Variants in SVEP1 observed in about 807,000 individuals in gnomAD.
SVEP1 encodes sushi, von Willebrand factor type A, EGF and pentraxin domain-containing protein 1.
SVEP1 carries 164 observed loss-of-function variants against 367.3 expected under a neutral mutation model. The observed-to-expected ratio is 0.45, with a 90% CI of 0.39 to 0.51. SVEP1 has a LOEUF of 0.51. SVEP1 is among the 20% of genes least tolerant of loss of function. The pLI is 0.00. For missense variants in SVEP1, 4,117 were observed against 4,425.3 expected (o/e 0.93, Z 1.98); for synonymous variants, 1,666 against 1,611.6 (o/e 1.03, Z -0.81).
At chr9:110,468,824 C>A in intron 17 of SVEP1, 116 bp downstream of exon 17, 1 of 1,003,938 alleles carries the variant, frequency 1.0e-6, no homozygotes, top group Non-Finnish European at 1.4e-6. Context: ...CTATCTTTTG[C>A]CACAGGGGCC....
Position 110,450,127 on chromosome 9 carries a change from G to T in SVEP1, c.4035C>A (p.Asn1345Lys), listed in dbSNP as rs764003194. 2 of 1,613,780 alleles carry T rather than the reference G, an allele frequency of 1.2e-6. No homozygotes were observed. Among genetic ancestry groups the T allele is most frequent in the Non-Finnish European group, 8.5e-7 (1 of 1,179,840 alleles). Residue 1345 changes from asparagine (N) to lysine (K), a missense_variant, in exon 24 of 48, where the codon AAC becomes AAA. Transcript: ENST00000374469. ...PGFLGTRCGKNVDECLSQPCK... is the reference protein window; with the variant it reads ...PGFLGTRCGKKVDECLSQPCK... ...ATGGCTGACTGAGACACTCATCGAC[G>T]TTCTTTCCACATCGGGTACCCAAAA...
At position 110,379,403 on chromosome 9, in the gene SVEP1, A is replaced by G. The variant is rs2118951126; in HGVS notation, c.10352T>C (p.Phe3451Ser). The change falls in exon 44 of 48, where the codon TTC becomes TCC. Residue 3451 changes from phenylalanine to serine, a missense_variant. Physicochemically the swap from Phe to Ser is radical, Grantham distance 155. This residue lies in a region of SVEP1 where 1,765 missense variants were observed against 1,781.1 expected (regional missense o/e 0.99). Transcript: ENST00000374469. ...SCYSGYMLEG[F>S]LRSVCLENGT... ...ATTTTCTAAACAAACACTCCTCAGG[A>G]AACCCTCCAACATGTATCCACTGTA... The G allele has an allele frequency of 6.2e-7, 1 of 1,613,854 alleles. No individual in the cohort carries two copies. The highest frequency in any genetic ancestry group is 2.2e-5 in the East Asian group (1 of 44,858).
intron 5 of SVEP1, 135 bp downstream of exon 5, chr9:110,512,791 A>T (rs1033784909): frequency 1.1e-5 from 12 of 1,054,662 alleles, no homozygotes; most frequent in Non-Finnish European, 1.7e-5. Flanking sequence ...CAAATTTCCT[A>T]TAATTTTTCT....
intron 23 of SVEP1, among the ~76,000 whole-genome samples, chr9:110,450,672 A>T (rs927401794): frequency 1.3e-5 from 2 of 151,436 alleles, no homozygotes; most frequent in African/African-American, 4.9e-5. Flanking sequence ...ACAGGGTTTC[A>T]CCATGTTGGC....
rs148659854 is a variant in SVEP1, at chr9:110,428,601, A to G, written c.5807+542T>C. Among the ~76,000 whole-genome samples, 66 of 152,312 alleles carry G rather than the reference A, an allele frequency of 4.3e-4. No homozygotes were observed. The East Asian group carries it at 9.6e-3, about 22-fold the overall frequency. ...ATAAACTATTTTTGCTTTCATGTTT[A>G]AAGTCTGAATGCTTACAGCAATTGA... On this transcript the variant is annotated intron_variant, in intron 35 of 47. Coordinates refer to ENST00000374469, the MANE Select transcript of SVEP1 (RefSeq NM_153366.4).
intron 18 of SVEP1, among the ~76,000 whole-genome samples, chr9:110,461,636 G>A (rs1588065147): frequency 6.6e-6 from 1 of 151,988 alleles, no homozygotes; most frequent in Non-Finnish European, 1.5e-5. Context: ...AAGACATGTA[G>A]ATCAAAATTT....
chr9:110,500,307 C>T (rs1829513031), intron 6 of SVEP1, among the ~76,000 whole-genome samples: 1 of 152,134 alleles, frequency 6.6e-6, no homozygotes, highest in Non-Finnish European at 1.5e-5. Flanking sequence ...ACGATAATGA[C>T]AATGTGGGAC....
chr9:110,377,003 G>C (rs544392139), intron 45 of SVEP1: 27 of 320,904 alleles, frequency 8.4e-5, no homozygotes, highest in Non-Finnish European at 1.3e-4. Context: ...TTTACAACAA[G>C]CTCCTTCTCA....
chr9:110,472,613 C>CTTTAGAGGTAAAT (rs1440786050), intron 14 of SVEP1, among the ~76,000 whole-genome samples: 1 of 152,168 alleles, frequency 6.6e-6, no homozygotes, highest in African/African-American at 2.4e-5. Flanking sequence ...ATTATTTTAG[C>CTTTAGAGGTAAAT]TTTAGAGGTA....
chr9:110,570,467 CGTGTGTGT>C (rs59503025), intron 1 of SVEP1, among the ~76,000 whole-genome samples: 21 of 146,936 alleles, frequency 1.4e-4, no homozygotes, highest in East Asian at 6.1e-4. Context: ...GTTTCTGTTG[CGTGTGTGT>C]GTGTGTGTGT....
chr9:110,377,494 C>A (rs765070479), intron 44 of SVEP1, 128 bp from the exon 45 acceptor site: 88 of 767,978 alleles, frequency 1.1e-4, no homozygotes, highest in Non-Finnish European at 1.7e-4. Context: ...AGACAAAAAT[C>A]GAATCTCAGG....
In SVEP1 at chr9:110,407,461, A is replaced by C; in HGVS notation, c.8139T>G (p.Ile2713Met). The change falls in exon 38 of 48, where the codon ATT becomes ATG. Residue 2713 changes from isoleucine to methionine, a missense_variant. Coordinates refer to ENST00000374469, the MANE Select transcript of SVEP1 (RefSeq NM_153366.4). ...GTWNGSAPSC[I>M]SIECDLPTAP... ...CAGTAGGCAAGTCACATTCAATTGA[A>C]ATGCAGGATGGTGCACTGCCATTCC... 2 of 1,614,014 alleles carry C rather than the reference A, an allele frequency of 1.2e-6. No homozygotes were observed. Among genetic ancestry groups the C allele is most frequent in the Non-Finnish European group, 1.7e-6 (2 of 1,179,906 alleles).
intron 43 of SVEP1, among the ~76,000 whole-genome samples, chr9:110,384,430 T>C (rs1827489295): frequency 6.6e-6 from 1 of 151,966 alleles, no homozygotes. Flanking sequence ...TTTTTGTTCT[T>C]CTCGGTGGGA....
intron 2 of SVEP1, among the ~76,000 whole-genome samples, chr9:110,548,585 T>G (rs888058629): frequency 6.6e-6 from 1 of 152,178 alleles, no homozygotes; most frequent in African/African-American, 2.4e-5. Flanking sequence ...AAACGTCAGC[T>G]AGTAGGTAAC....
At chr9:110,449,924 A>C (rs1828665686) in intron 24 of SVEP1, 135 bp downstream of exon 24, 2 of 1,025,172 alleles carry the variant, frequency 2.0e-6, no homozygotes, top group Non-Finnish European at 2.9e-6. Context: ...GGGAATATTC[A>C]GCTGTAGCCT....
At chr9:110,456,130 G>A (rs1564147918) in intron 21 of SVEP1, among the ~76,000 whole-genome samples, 1 of 152,284 alleles carries the variant, frequency 6.6e-6, no homozygotes. Flanking sequence ...TTCCCACAGG[G>A]TGCACACAGG....
chr9:110,547,700 T>C (rs1037672022), intron 2 of SVEP1, among the ~76,000 whole-genome samples: 1 of 152,184 alleles, frequency 6.6e-6, no homozygotes, highest in Non-Finnish European at 1.5e-5. Flanking sequence ...CTGTAACCTA[T>C]GTCTATCGAG....
At chr9:110,384,942 T>G (rs956601950) in intron 43 of SVEP1, among the ~76,000 whole-genome samples, 1 of 152,200 alleles carries the variant, frequency 6.6e-6, no homozygotes, top group African/African-American at 2.4e-5. Flanking sequence ...GGACAACAAA[T>G]GAGCCTGGAG....
At position 110,370,002 on chromosome 9, in the gene SVEP1, G is replaced by C; in HGVS notation, c.10615C>G (p.Pro3539Ala). The C allele has an allele frequency of 6.2e-7, 1 of 1,612,908 alleles. No homozygotes were observed. The highest frequency in any genetic ancestry group is 8.5e-7 in the Non-Finnish European group (1 of 1,179,402). Residue 3539 changes from proline to alanine, a missense_variant, in exon 47 of 48, where the codon CCC becomes GCC. Transcript: ENST00000374469. ...SRCHTAVCQS[P>A]CLNGGKCVRP... The stretch of plus-strand genomic sequence containing the variant: ...ACACATTTTCCACCATTTAAGCAGG[G>C]AGACTGGCAAACAGCTGGAATAAAA...
Sources: gnomAD v4.1 joint callset for allele counts (sites outside exome capture counted in the v4.1 genomes callset) on GRCh38, gnomAD v4.1.1 for gene constraint, gnomAD v4.1.1 regional missense constraint, MANE v1.5 for transcripts, NCBI Gene and HGNC (gene_info 2026-07-23, HGNC 2026-07-21) for gene names.